KATNIP: variants seen among roughly 807,000 people sequenced by gnomAD.
KATNIP encodes katanin-interacting protein.
In KATNIP, 126 loss-of-function variants were observed where a neutral mutation model predicts 174.0. That is an observed-to-expected ratio of 0.72 (90% CI 0.63 to 0.84). The LOEUF (loss-of-function observed/expected upper bound fraction) is 0.84. Among genes scored for constraint, KATNIP ranks in the 40% least tolerant of loss-of-function variants. The probability of loss-of-function intolerance (pLI) is 0.00; values close to 1 mark genes in which losing one functional copy is unlikely to be tolerated. For missense variants in KATNIP, 1,958 were observed against 2,109.7 expected, an observed-to-expected ratio of 0.93 and a Z score of 1.41; for synonymous variants, 810 against 835.7, an observed-to-expected ratio of 0.97 and a Z score of 0.53.
chr16:27,639,267 C>T (rs1007781728), intron 5 of KATNIP, among the ~76,000 whole-genome samples: 4 of 152,156 alleles, frequency 2.6e-5, no homozygotes, highest in Non-Finnish European at 4.4e-5. Context: ...AGGATCATGG[C>T]GATGGCTGTG....
intron 10 of KATNIP, among the ~76,000 whole-genome samples, chr16:27,700,470 A>G (rs2079057587): frequency 6.6e-6 from 1 of 152,178 alleles, no homozygotes; most frequent in Non-Finnish European, 1.5e-5. Context: ...AACAGCAAAT[A>G]AAACCATACA....
At chr16:27,661,791 G>A (rs1259738947) in intron 6 of KATNIP, among the ~76,000 whole-genome samples, 1 of 147,058 alleles carries the variant, frequency 6.8e-6, no homozygotes, top group Non-Finnish European at 1.5e-5. Context: ...TGTCACCTAG[G>A]CTGGAGTGCA....
intron 1 of KATNIP, among the ~76,000 whole-genome samples, chr16:27,559,992 T>A (rs1172587303): frequency 2.3e-5 from 3 of 130,002 alleles, no homozygotes; most frequent in Non-Finnish European, 4.9e-5. Flanking sequence ...AAAAAATAAA[T>A]AAATAAAAAA....
chr16:27,683,332 C>A (rs1162990523), intron 8 of KATNIP, among the ~76,000 whole-genome samples: 2 of 152,156 alleles, frequency 1.3e-5, no homozygotes, highest in Non-Finnish European at 2.9e-5. Context: ...GTGGCTTAAA[C>A]AATGGAAATG....
intron 6 of KATNIP, among the ~76,000 whole-genome samples, chr16:27,671,551 A>G (rs1385202000): frequency 1.3e-5 from 2 of 152,250 alleles, no homozygotes; most frequent in Non-Finnish European, 2.9e-5. Context: ...TGGAAGGGCT[A>G]GGTCAGAGGG....
At chr16:27,725,981 G>T (rs777880705) in intron 14 of KATNIP, among the ~76,000 whole-genome samples, 2 of 152,202 alleles carry the variant, frequency 1.3e-5, no homozygotes, top group East Asian at 1.9e-4. Flanking sequence ...CTAGGCCAGG[G>T]GTCCCCAGCC....
chr16:27,604,553 C>A (rs2075640999), intron 2 of KATNIP, among the ~76,000 whole-genome samples: 1 of 152,160 alleles, frequency 6.6e-6, no homozygotes, highest in Admixed American at 6.6e-5. Context: ...TTTTGGAAAT[C>A]ATCTGTCTTC....
In KATNIP at chr16:27,584,994, C is replaced by G. The variant is rs56050551; in HGVS notation, c.63+11038C>G. ...ACCCTGGCAAAGTGGCAAGAACATGCCACTCCCCCTCCTCCCTGTAGGCCC... is the reference window on the plus strand; with the variant it reads ...ACCCTGGCAAAGTGGCAAGAACATGGCACTCCCCCTCCTCCCTGTAGGCCC... On this transcript the variant is annotated intron_variant, in intron 2 of 27. Coordinates refer to ENST00000261588, the MANE Select transcript of KATNIP (RefSeq NM_015202.5). Among the ~76,000 whole-genome samples, 962 of 152,230 alleles carry G rather than the reference C, an allele frequency of 6.3e-3. 6 individuals are homozygous for G. The highest frequency in any genetic ancestry group is 7.3e-3 in the Non-Finnish European group (496 of 68,014).
chr16:27,627,862 A>G (rs374909567), intron 3 of KATNIP, among the ~76,000 whole-genome samples: 9 of 152,166 alleles, frequency 5.9e-5, no homozygotes, highest in South Asian at 2.1e-4. Flanking sequence ...CTGGCGTCCA[A>G]TGGAAGCAGT....
At chr16:27,655,546 G>C (rs2077254126) in intron 6 of KATNIP, among the ~76,000 whole-genome samples, 1 of 151,910 alleles carries the variant, frequency 6.6e-6, no homozygotes, top group South Asian at 2.1e-4. Flanking sequence ...CGCTGCGCCT[G>C]GCCAGAAGAT....
At chr16:27,728,587 T>A (rs1260995439) in intron 14 of KATNIP, among the ~76,000 whole-genome samples, 2 of 152,286 alleles carry the variant, frequency 1.3e-5, no homozygotes, top group African/African-American at 4.8e-5. Context: ...CGCACCACCA[T>A]GCCCAGCTAA....
At position 27,752,032 on chromosome 16, in the gene KATNIP, C is replaced by G. The variant is rs994507195; in HGVS notation, c.3552+108C>G. On this transcript the variant is annotated intron_variant, in intron 17 of 27. Coordinates refer to ENST00000261588, the MANE Select transcript of KATNIP (RefSeq NM_015202.5). ...ATGGATATCCTTTAAGCTGCTGGTG[C>G]CACTGTGTTGACATTTCCCATCTTT... 7.6e-6 allele frequency: 6 copies of G among 784,744 alleles called. No homozygotes were observed. In the African/African-American group the frequency reaches 8.6e-5, roughly 11 times the overall value. 48.6% of individuals were successfully genotyped at this position (784,744 alleles called of 1,614,324 possible).
At chr16:27,656,767 T>C (rs1043229602) in intron 6 of KATNIP, among the ~76,000 whole-genome samples, 2 of 127,062 alleles carry the variant, frequency 1.6e-5, no homozygotes, top group Admixed American at 2.0e-4. Context: ...GGAAGGGGAA[T>C]ATCACACTCT....
intron 27 of KATNIP, among the ~76,000 whole-genome samples, chr16:27,778,362 A>C (rs2082579350): frequency 6.6e-6 from 1 of 152,198 alleles, no homozygotes; most frequent in South Asian, 2.1e-4. Flanking sequence ...GGAGTGTGCC[A>C]GGCAGCCTGG....
intron 2 of KATNIP, among the ~76,000 whole-genome samples, chr16:27,578,776 T>C (rs569763644): frequency 6.6e-6 from 1 of 152,156 alleles, no homozygotes; most frequent in Non-Finnish European, 1.5e-5. Context: ...TGGGGTTTCA[T>C]CATGTTAGCC....
At chr16:27,752,705 C>T (rs541066906) in intron 17 of KATNIP, among the ~76,000 whole-genome samples, 1 of 152,218 alleles carries the variant, frequency 6.6e-6, no homozygotes, top group African/African-American at 2.4e-5. Flanking sequence ...TGCATGCCAC[C>T]ATGCCTGGCT....
chr16:27,686,460 A>T (rs1281232177), intron 8 of KATNIP, among the ~76,000 whole-genome samples: 1 of 152,066 alleles, frequency 6.6e-6, no homozygotes, highest in Non-Finnish European at 1.5e-5. Flanking sequence ...TTCAGTTTCA[A>T]ACTTTCTGTA....
chr16:27,581,066 C>T (rs1567457717), intron 2 of KATNIP, among the ~76,000 whole-genome samples: 1 of 151,234 alleles, frequency 6.6e-6, no homozygotes, highest in Non-Finnish European at 1.5e-5. Flanking sequence ...ATCTCTAAAA[C>T]ATATATATAT....
intron 1 of KATNIP, among the ~76,000 whole-genome samples, chr16:27,570,182 A>G (rs1793646380): frequency 6.6e-6 from 1 of 152,204 alleles, no homozygotes; most frequent in African/African-American, 2.4e-5. Context: ...AAGTGAATTT[A>G]TTAACCAAAA....
Sources: gnomAD v4.1 joint callset for allele counts (sites outside exome capture counted in the v4.1 genomes callset) on GRCh38, gnomAD v4.1.1 for gene constraint, MANE v1.5 for transcripts, NCBI Gene and HGNC (gene_info 2026-07-23, HGNC 2026-07-21) for gene names.